The following ZNF717 variants were observed in gnomAD, a reference collection of about 807,000 sequenced individuals.
ZNF717 encodes the protein zinc finger protein 717, also known as krueppel-like factor X17.
In ZNF717, 9 loss-of-function variants were observed where a neutral mutation model predicts 13.8. The observed-to-expected ratio is 0.65, with a 90% CI of 0.39 to 1.14. ZNF717 has a LOEUF of 1.14. Among genes scored for constraint, ZNF717 ranks in the 50% most tolerant of loss-of-function variants. The pLI, the probability that ZNF717 is intolerant of heterozygous loss-of-function variation, is 0.01. For missense variants in ZNF717, 1,040 were observed against 1,080.7 expected (o/e 0.96, Z 0.53); for synonymous variants, 327 against 364.1 (o/e 0.90, Z 1.16).
downstream of ZNF717, among the ~76,000 whole-genome samples, chr3:75,733,221 G>C (rs146049279): frequency 6.6e-6 from 1 of 152,210 alleles, no homozygotes; most frequent in African/African-American, 2.4e-5. Context: ...GGGACAGCTA[G>C]AAAAGGTGTA....
chr3:75,758,344 T>C (rs980079819), intron 2 of ZNF717, among the ~76,000 whole-genome samples: 4 of 152,064 alleles, frequency 2.6e-5, no homozygotes, highest in African/African-American at 9.7e-5. Context: ...GCAAAGAAAG[T>C]AGTTTCTTGA....
chr3:75,704,454 T>C, intron 6 of ZNF717, among the ~76,000 whole-genome samples: 1 of 151,882 alleles, frequency 6.6e-6, no homozygotes, highest in Non-Finnish European at 1.5e-5. Flanking sequence ...GTGAAGCCAT[T>C]CAGGCGGGCA....
In ZNF717 at chr3:75,739,048, T is replaced by C. The variant is rs77110669; in HGVS notation, c.575A>G (p.His192Arg). The C allele has an allele frequency of 6.4e-7, 1 of 1,551,326 alleles. No individual in the cohort carries two copies. The change falls in exon 5 of 5, where the codon CAT becomes CGT. Residue 192 changes from histidine to arginine, a missense_variant. Physicochemically the swap from His to Arg is conservative, Grantham distance 29. Transcript: ENST00000652011. ...GTGATGCTGAGTAAGATGTTCATGA[T>C]GTCTGTGGGATCTCCTGGTTATATC... ...VCDITRRSHRHHEHLTQHHKI... is the reference protein window; with the variant it reads ...VCDITRRSHRRHEHLTQHHKI...
chr3:75,771,238 C>A (rs889490521), intron 2 of ZNF717, among the ~76,000 whole-genome samples: 1 of 152,006 alleles, frequency 6.6e-6, no homozygotes, highest in Admixed American at 6.6e-5. Context: ...GTTTCTGGAC[C>A]TCACTGCTGA....
At chr3:75,773,358 C>T (rs538249520) in intron 2 of ZNF717, among the ~76,000 whole-genome samples, 1 of 152,336 alleles carries the variant, frequency 6.6e-6, no homozygotes, top group South Asian at 2.1e-4. Context: ...CAAAATCTTA[C>T]TAAAGATAAC....
chr3:75,743,781 G>A (rs1193860096), intron 2 of ZNF717, among the ~76,000 whole-genome samples: 3 of 152,248 alleles, frequency 2.0e-5, no homozygotes, highest in Non-Finnish European at 2.9e-5. Flanking sequence ...CAAGTTATCT[G>A]TCATCATCCA....
chr3:75,763,121 A>G (rs1404989377), intron 2 of ZNF717, among the ~76,000 whole-genome samples: 1 of 152,244 alleles, frequency 6.6e-6, no homozygotes, highest in Non-Finnish European at 1.5e-5. Context: ...GCTTTATGAC[A>G]ATGAATTTGT....
In ZNF717 at chr3:75,738,904, T is replaced by A; in HGVS notation, c.719A>T (p.Asn240Ile). The change falls in exon 5 of 5, where the codon AAT becomes ATT. Residue 240 changes from asparagine (N) to isoleucine (I), a missense_variant. By Grantham distance (149) the Asn-to-Ile change is moderately radical (BLOSUM62 -3). Transcript: ENST00000652011. ...VHIVQTFGKYNEYEKACNNSA... is the reference protein window; with the variant it reads ...VHIVQTFGKYIEYEKACNNSA... ...GTTATTACAGGCTTTCTCATATTCATTATATTTACCAAAGGTCTGTACTAT... is the reference window on the plus strand; with the variant it reads ...GTTATTACAGGCTTTCTCATATTCAATATATTTACCAAAGGTCTGTACTAT... The A allele has an allele frequency of 6.4e-7, 1 of 1,551,546 alleles. No homozygotes were observed. Among genetic ancestry groups the A allele is most frequent in the South Asian group, 1.2e-5 (1 of 84,062 alleles).
downstream of ZNF717, among the ~76,000 whole-genome samples, chr3:75,729,564 G>A (rs1191025433): frequency 2.0e-3 from 279 of 142,670 alleles, 1 homozygote; most frequent in African/African-American, 6.6e-3. Flanking sequence ...GCGGTGAGCC[G>A]AGATTGTGCC....
rs1188619570 is a variant in ZNF717 at position 75,701,290 on chromosome 3, G to C, written n.1085+9897C>G. 2.5e-4 allele frequency among the ~76,000 whole-genome samples: 38 copies of C among 152,372 alleles called. No individual in the cohort carries two copies. The East Asian group carries it at 5.8e-3, about 23-fold the overall frequency. The stretch of plus-strand genomic sequence containing the variant: ...GTCTGGTGTCATATAAGAGGTGCCT[G>C]CTTCCCCATCTGCCATGATTGTGAG... On this transcript the variant is annotated intron_variant and non_coding_transcript_variant, in intron 6 of 6. Coordinates refer to the ZNF717 transcript ENST00000648506.
At chr3:75,756,894 TCGAACTCC>T (rs967970609) in intron 2 of ZNF717, among the ~76,000 whole-genome samples, 3 of 152,220 alleles carry the variant, frequency 2.0e-5, no homozygotes, top group Non-Finnish European at 4.4e-5. Context: ...CACACTGGTG[TCGAACTCC>T]CGAACTCAGG....
At chr3:75,735,855 A>G (rs1228111262), downstream of ZNF717, 17 of 152,142 alleles carry the variant, frequency 1.1e-4, no homozygotes, top group African/African-American at 4.1e-4. Flanking sequence ...GCCCATCAAA[A>G]TAGAGGCACA....
chr3:75,730,638 A>G, intron 5 of ZNF717: 5 of 702,208 alleles, frequency 7.1e-6, no homozygotes, highest in Non-Finnish European at 1.3e-5. Flanking sequence ...AAAGATTTTG[A>G]AACTATCAGA....
chr3:75,713,625 A>G (rs868677119), intron 5 of ZNF717, among the ~76,000 whole-genome samples: 458 of 152,328 alleles, frequency 3.0e-3, no homozygotes, highest in African/African-American at 9.4e-3. Flanking sequence ...CATAAATATA[A>G]CTCTAGGCAA....
At chr3:75,774,624 T>G (rs931462297) in intron 2 of ZNF717, among the ~76,000 whole-genome samples, 4 of 140,690 alleles carry the variant, frequency 2.8e-5, no homozygotes, top group African/African-American at 5.3e-5. Context: ...TTTTTTTTTT[T>G]TTTTTTTTTT....
At chr3:75,727,036 C>T (rs923394466), downstream of ZNF717, among the ~76,000 whole-genome samples, 1 of 152,234 alleles carries the variant, frequency 6.6e-6, no homozygotes, top group East Asian at 1.9e-4. Flanking sequence ...AATGGAGGGA[C>T]TGGCTGGAAC....
chr3:75,738,708 A>C lies in ZNF717; in HGVS notation c.915T>G (p.Pro305=), dbSNP rs1195131017. Residue 305 remains proline (P), a synonymous_variant, in exon 5 of 5, where the codon CCT becomes CCG. Transcript: ENST00000652011. The stretch of plus-strand genomic sequence containing the variant: ...TACAGGCATAAGGTTTTTCCTCAGT[A>C]GGCATCTTGCACTGTAGCATAAGGT... The part of the protein sequence containing the change: ...KSDLMLQCKM[P]TEEKPYACNW... The C allele has an allele frequency of 1.3e-6, 2 of 1,551,702 alleles. No individual in the cohort carries two copies.
chr3:75,711,751 C>T (rs1937943151), intron 5 of ZNF717, among the ~76,000 whole-genome samples: 1 of 152,092 alleles, frequency 6.6e-6, no homozygotes, highest in African/African-American at 2.4e-5. Flanking sequence ...GACCCTGTCT[C>T]AAAAAATTTA....
chr3:75,709,614 G>C (rs1397204204), downstream of ZNF717: 1 of 152,198 alleles, frequency 6.6e-6, no homozygotes, highest in Non-Finnish European at 1.5e-5. Flanking sequence ...GTAGTTACTG[G>C]GCAGATGTCC....
Sources: allele counts gnomAD v4.1 joint callset (sites outside exome capture counted in the v4.1 genomes callset), GRCh38; gene constraint gnomAD v4.1.1; transcripts MANE v1.5; gene names NCBI Gene and HGNC (gene_info 2026-07-23, HGNC 2026-07-21).